Variants in GPC5 observed in about 807,000 individuals in gnomAD.
GPC5 encodes glypican-5.
GPC5 carries 47 observed loss-of-function variants against 53.9 expected under a neutral mutation model. That is an observed-to-expected ratio of 0.87 (90% CI 0.69 to 1.11). GPC5 has a LOEUF of 1.11. Ranked by LOEUF, GPC5 falls within the 50% of genes most tolerant of loss-of-function variation. The pLI is 0.00. For missense variants in GPC5, 748 were observed against 713.1 expected (o/e 1.05, Z -0.56); for synonymous variants, 286 against 263.3 (o/e 1.09, Z -0.84).
intron 7 of GPC5, among the ~76,000 whole-genome samples, chr13:92,364,755 A>G (rs2043595207): frequency 6.6e-6 from 1 of 151,746 alleles, no homozygotes; most frequent in African/African-American, 2.4e-5. Context: ...AAGTAATAAA[A>G]TAAAATACAA....
chr13:91,913,029 T>A (rs1161373558), intron 6 of GPC5, among the ~76,000 whole-genome samples: 1 of 152,096 alleles, frequency 6.6e-6, no homozygotes, highest in Non-Finnish European at 1.5e-5. Context: ...CCTGTACAAA[T>A]GTTAGCCTGA....
chr13:92,120,104 G>T (rs1281554648), intron 6 of GPC5, among the ~76,000 whole-genome samples: 4 of 152,110 alleles, frequency 2.6e-5, no homozygotes, highest in Admixed American at 2.0e-4. Context: ...AAAATAAACT[G>T]CTTTAATTAC....
intron 2 of GPC5, among the ~76,000 whole-genome samples, chr13:91,589,383 A>G (rs892071960): frequency 1.1e-4 from 16 of 151,574 alleles, no homozygotes; most frequent in Non-Finnish European, 2.1e-4. Context: ...TAGATCATCT[A>G]TCTGCAACTA....
At position 92,740,892 on chromosome 13, in the gene GPC5, TTATTTA is replaced by T. The variant is rs1178545480; in HGVS notation, c.1562-125386_1562-125381del. On this transcript the variant is annotated intron_variant, in intron 7 of 7. Transcript: ENST00000377067. ...TATTTATGTATGTATGTATATTTATTTATTTATATATATATATATATATATATGTGC... is the reference window on the plus strand; with the variant it reads ...TATTTATGTATGTATGTATATTTATTTATATATATATATATATATATGTGC... Among the ~76,000 whole-genome samples the T allele has an allele frequency of 2.7e-3, 109 of 40,418 alleles. 2 individuals are homozygous for T. Among genetic ancestry groups the T allele is most frequent in the Middle Eastern group, 0.024 (2 of 84 alleles). 26.5% of individuals were successfully genotyped at this position (40,418 alleles called of 152,430 possible). A position where few individuals can be genotyped will look rare whatever the true frequency, so the allele number is the denominator to read the frequency against.
chr13:92,054,032 C>CAAATAAATAAAT (rs56703718), intron 6 of GPC5, among the ~76,000 whole-genome samples: 3,658 of 142,498 alleles, frequency 0.026, 45 homozygotes, highest in Non-Finnish European at 0.03. Flanking sequence ...AATTCCATTT[C>CAAATAAATAAAT]AAATAAATAA....
intron 7 of GPC5, among the ~76,000 whole-genome samples, chr13:92,496,851 A>G (rs895398857): frequency 6.6e-6 from 1 of 152,184 alleles, no homozygotes; most frequent in African/African-American, 2.4e-5. Context: ...CGGCAAATCC[A>G]TGCAGGTCTC....
intron 2 of GPC5, among the ~76,000 whole-genome samples, chr13:91,478,916 T>TATA (rs1883148390): frequency 7.9e-6 from 1 of 126,476 alleles, no homozygotes. Context: ...CATATATATA[T>TATA]TCTTTTTTTT....
chr13:92,677,177 T>C (rs1886971446), intron 7 of GPC5, among the ~76,000 whole-genome samples: 1 of 152,192 alleles, frequency 6.6e-6, no homozygotes. Context: ...TTCTTAAAAA[T>C]TTTACAGTTG....
chr13:92,326,877 G>A (rs9561012), intron 7 of GPC5, among the ~76,000 whole-genome samples: 2 of 152,118 alleles, frequency 1.3e-5, no homozygotes, highest in East Asian at 3.9e-4. Context: ...AGGCTCTATG[G>A]TCAGGGAGGA....
intron 2 of GPC5, among the ~76,000 whole-genome samples, chr13:91,681,035 A>G (rs988468363): frequency 6.6e-6 from 1 of 152,086 alleles, no homozygotes; most frequent in Non-Finnish European, 1.5e-5. Flanking sequence ...GTATTTCTAT[A>G]TATATATGTG....
chr13:91,748,902 TG>T (rs1047635856), intron 4 of GPC5, among the ~76,000 whole-genome samples: 2 of 152,076 alleles, frequency 1.3e-5, no homozygotes, highest in African/African-American at 4.8e-5. Context: ...AGTTGTTTTA[TG>T]CAATGCGTGT....
chr13:92,535,666 A>AT (rs1327816251), intron 7 of GPC5, among the ~76,000 whole-genome samples: 11 of 119,364 alleles, frequency 9.2e-5, no homozygotes, highest in African/African-American at 3.7e-5. Context: ...TTCTATGTTT[A>AT]TTAAAAAAAA....
chr13:91,535,944 A>G (rs1228686518), intron 2 of GPC5, among the ~76,000 whole-genome samples: 5 of 152,166 alleles, frequency 3.3e-5, no homozygotes, highest in Non-Finnish European at 4.4e-5. Flanking sequence ...TAAATAGCTA[A>G]TGCTATTTTC....
At chr13:92,588,146 A>G (rs987094740) in intron 7 of GPC5, among the ~76,000 whole-genome samples, 2 of 151,048 alleles carry the variant, frequency 1.3e-5, no homozygotes, top group Non-Finnish European at 3.0e-5. Context: ...TCATTGTTCA[A>G]CTCCCACTTA....
At chr13:91,544,621 A>G (rs1415955475) in intron 2 of GPC5, among the ~76,000 whole-genome samples, 1 of 152,146 alleles carries the variant, frequency 6.6e-6, no homozygotes, top group African/African-American at 2.4e-5. Context: ...TACTTCAGCT[A>G]TTGTATCTAA....
intron 6 of GPC5, among the ~76,000 whole-genome samples, chr13:91,947,808 C>A (rs566898737): frequency 1.3e-5 from 2 of 152,236 alleles, no homozygotes; most frequent in South Asian, 2.1e-4. Context: ...CCCGTCCCCC[C>A]AACCCCTGCA....
intron 6 of GPC5, among the ~76,000 whole-genome samples, chr13:92,064,338 G>T (rs1460747129): frequency 1.3e-5 from 2 of 152,130 alleles, no homozygotes; most frequent in Admixed American, 6.5e-5. Flanking sequence ...ACCAATATCT[G>T]GGTCGCCCCC....
intron 6 of GPC5, among the ~76,000 whole-genome samples, chr13:91,946,980 T>A (rs371477023): frequency 6.6e-6 from 1 of 152,184 alleles, no homozygotes; most frequent in African/African-American, 2.4e-5. Flanking sequence ...TTTGTGCTAT[T>A]GTTTCCAGTT....
chr13:91,519,700 T>A (rs1885702106), intron 2 of GPC5, among the ~76,000 whole-genome samples: 2 of 152,316 alleles, frequency 1.3e-5, no homozygotes, highest in Non-Finnish European at 2.9e-5. Context: ...GAGAATAGAA[T>A]AATACATATG....
Sources: allele counts gnomAD v4.1 joint callset (sites outside exome capture counted in the v4.1 genomes callset), GRCh38; gene constraint gnomAD v4.1.1; transcripts MANE v1.5; gene names NCBI Gene and HGNC (gene_info 2026-07-23, HGNC 2026-07-21).